Variants in LARS2 observed in about 807,000 individuals in gnomAD.
The protein encoded by LARS2 is leucine--tRNA ligase, mitochondrial.
A neutral mutation model predicts 116.6 loss-of-function variants in LARS2; 81 were observed. The ratio of observed to expected loss-of-function variants is 0.69; its 90% CI spans 0.58 to 0.84. The LOEUF (loss-of-function observed/expected upper bound fraction) is 0.84. LARS2 is among the 40% of genes least tolerant of loss of function. The probability of loss-of-function intolerance (pLI) is 0.00; values close to 1 mark genes in which losing one functional copy is unlikely to be tolerated. For synonymous variants in LARS2, 396 were observed against 407.2 expected (o/e 0.97, Z 0.33); for missense variants, 968 against 1,114.5 (o/e 0.87, Z 1.87).
intron 4 of LARS2, among the ~76,000 whole-genome samples, chr3:45,410,793 G>C (rs1575235613): frequency 6.6e-6 from 1 of 152,352 alleles, no homozygotes; most frequent in Non-Finnish European, 1.5e-5. Context: ...GCCTAGAGCT[G>C]TCTGGGGAAA....
intron 4 of LARS2, among the ~76,000 whole-genome samples, chr3:45,410,397 A>C (rs1575235371): frequency 6.6e-6 from 1 of 151,626 alleles, no homozygotes; most frequent in East Asian, 1.9e-4. Context: ...AATGTTTGTC[A>C]TCTATGGATC....
At chr3:45,445,838 C>T (rs1198483695) in intron 6 of LARS2, among the ~76,000 whole-genome samples, 2 of 152,176 alleles carry the variant, frequency 1.3e-5, no homozygotes, top group African/African-American at 2.4e-5. Context: ...ACCCAAAGTC[C>T]GGGTTTGAAG....
At chr3:45,523,904 T>C (rs1372229283) in intron 19 of LARS2, 93 bp from the exon 20 acceptor site, 34 of 890,208 alleles carry the variant, frequency 3.8e-5, no homozygotes, top group Non-Finnish European at 5.5e-5. Context: ...TCCTACCAGC[T>C]TGTGTCTCTG....
At chr3:45,484,122 A>G (rs1327655572) in intron 10 of LARS2, 1 of 152,074 alleles carries the variant, frequency 6.6e-6, no homozygotes, top group African/African-American at 2.4e-5. Context: ...TGGGAGGATC[A>G]GGGTGAAACC....
At chr3:45,478,193 T>A (rs1453319072) in intron 10 of LARS2, among the ~76,000 whole-genome samples, 3 of 152,346 alleles carry the variant, frequency 2.0e-5, no homozygotes, top group African/African-American at 7.2e-5. Context: ...TTATTTTCTT[T>A]CCTTGCTCAA....
At chr3:45,411,825 C>T (rs1427033432) in intron 4 of LARS2, among the ~76,000 whole-genome samples, 2 of 152,042 alleles carry the variant, frequency 1.3e-5, no homozygotes, top group African/African-American at 2.4e-5. Flanking sequence ...GTTATTTTTT[C>T]TGCTCCTCTC....
intron 6 of LARS2, chr3:45,421,268 A>G (rs1698508685): frequency 6.6e-6 from 1 of 152,228 alleles, no homozygotes; most frequent in Non-Finnish European, 1.5e-5. Flanking sequence ...AATTGAACTG[A>G]TATTTATCTC....
At chr3:45,522,657 C>A (rs142702040) in intron 19 of LARS2, among the ~76,000 whole-genome samples, 126 of 152,216 alleles carry the variant, frequency 8.3e-4, no homozygotes, top group African/African-American at 2.8e-3. Context: ...AGGAGGATTG[C>A]TTAAACCTGT....
chr3:45,462,916 C>T (rs1296227688), intron 8 of LARS2, among the ~76,000 whole-genome samples: 1 of 152,152 alleles, frequency 6.6e-6, no homozygotes, highest in East Asian at 1.9e-4. Flanking sequence ...CTCCTCTTAC[C>T]CCCAACCCAG....
At chr3:45,450,604 T>A (rs1488452580) in intron 7 of LARS2, among the ~76,000 whole-genome samples, 2 of 152,232 alleles carry the variant, frequency 1.3e-5, no homozygotes, top group East Asian at 1.9e-4. Flanking sequence ...CCACATTTTT[T>A]AAATCCATTA....
At chr3:45,486,178 C>G (rs1354712507) in intron 11 of LARS2, among the ~76,000 whole-genome samples, 1 of 151,970 alleles carries the variant, frequency 6.6e-6, no homozygotes, top group African/African-American at 2.4e-5. Flanking sequence ...GAAAAGAAAA[C>G]TCATAGAACC....
At chr3:45,503,787 C>A (rs1376268068) in intron 15 of LARS2, among the ~76,000 whole-genome samples, 1 of 151,828 alleles carries the variant, frequency 6.6e-6, no homozygotes, top group African/African-American at 2.4e-5. Context: ...TTTCCCTATC[C>A]AGATAACCCA....
intron 10 of LARS2, among the ~76,000 whole-genome samples, chr3:45,477,725 AC>A (rs528182328): frequency 3.3e-4 from 50 of 152,348 alleles, no homozygotes; most frequent in African/African-American, 1.2e-3. Flanking sequence ...ATAAACTTCA[AC>A]CCAAAGTATA....
At chr3:45,524,474 G>A (rs150103134) in intron 20 of LARS2, among the ~76,000 whole-genome samples, 343 of 152,264 alleles carry the variant, frequency 2.3e-3, no homozygotes, top group African/African-American at 7.9e-3. Flanking sequence ...TAAGTTATAG[G>A]TCTAAACTTA....
intron 2 of LARS2, 44 bp from the exon 3 acceptor site, chr3:45,394,389 G>A (rs1559453701): frequency 1.9e-6 from 2 of 1,075,116 alleles, no homozygotes; most frequent in Non-Finnish European, 1.4e-6. Context: ...GCTCTGGGGA[G>A]GGTTTGAGGC....
chr3:45,464,713 AG>A (rs947332919), intron 8 of LARS2, among the ~76,000 whole-genome samples: 30 of 152,174 alleles, frequency 2.0e-4, no homozygotes, highest in Middle Eastern at 3.4e-3. Flanking sequence ...GCGCCTTCTA[AG>A]GGGGAGGGGC....
intron 8 of LARS2, among the ~76,000 whole-genome samples, chr3:45,471,157 G>A (rs1699519486): frequency 6.6e-6 from 1 of 151,848 alleles, no homozygotes; most frequent in Non-Finnish European, 1.5e-5. Context: ...TCTTATTCTG[G>A]TGGAGCCCTG....
At chr3:45,516,947 A>G (rs1700376982) in intron 17 of LARS2, among the ~76,000 whole-genome samples, 1 of 152,258 alleles carries the variant, frequency 6.6e-6, no homozygotes, top group Admixed American at 6.5e-5. Flanking sequence ...TTTTTACTTC[A>G]TGTGATCAGC....
At chr3:45,545,754 C>A (rs1700865642) in intron 21 of LARS2, among the ~76,000 whole-genome samples, 1 of 152,198 alleles carries the variant, frequency 6.6e-6, no homozygotes, top group Non-Finnish European at 1.5e-5. Context: ...TTAGGACCAG[C>A]CTGCCCGGCT....
Sources: allele counts gnomAD v4.1 joint callset (sites outside exome capture counted in the v4.1 genomes callset), GRCh38; gene constraint gnomAD v4.1.1; transcripts MANE v1.5; gene names NCBI Gene and HGNC (gene_info 2026-07-23, HGNC 2026-07-21).